CPED1: variants seen among roughly 807,000 people sequenced by gnomAD.
CPED1 encodes the protein cadherin like and PC-esterase domain containing 1.
CPED1 carries 114 observed loss-of-function variants against 128.2 expected under a neutral mutation model. The ratio of observed to expected loss-of-function variants is 0.89; its 90% CI spans 0.76 to 1.04. CPED1 has a LOEUF of 1.04. CPED1 is among the 50% of genes least tolerant of loss of function. The pLI is 0.00. For missense variants in CPED1, 1,211 were observed against 1,207.1 expected (o/e 1.00, Z -0.05); for synonymous variants, 462 against 426.7 (o/e 1.08, Z -1.02).
chr7:121,220,584 C>T (rs1322873263), intron 16 of CPED1, among the ~76,000 whole-genome samples: 1 of 151,908 alleles, frequency 6.6e-6, no homozygotes, highest in Non-Finnish European at 1.5e-5. Context: ...TCACAGTTGC[C>T]CTAGGAAACA....
At chr7:121,196,673 T>C (rs978523977) in intron 16 of CPED1, among the ~76,000 whole-genome samples, 2 of 152,122 alleles carry the variant, frequency 1.3e-5, no homozygotes, top group Non-Finnish European at 2.9e-5. Flanking sequence ...ATGCTATGAC[T>C]GAAAGGCAGC....
intron 4 of CPED1, among the ~76,000 whole-genome samples, chr7:121,049,449 A>C (rs1793293012): frequency 6.6e-6 from 1 of 152,150 alleles, no homozygotes; most frequent in Non-Finnish European, 1.5e-5. Flanking sequence ...GCTACCCTCC[A>C]ATCTCTTGCC....
Position 121,276,763 on chromosome 7 carries a change from T to C in CPED1, c.2868+5333T>C, listed in dbSNP as rs141473735. On this transcript the variant is annotated intron_variant, in intron 22 of 22. Transcript: ENST00000310396. ...AATGTGAACCAAAGTAGCTCTGAAATACCTGATGTTCTCATAATCACAGGC... is the reference window on the plus strand; with the variant it reads ...AATGTGAACCAAAGTAGCTCTGAAACACCTGATGTTCTCATAATCACAGGC... 1.8e-3 allele frequency among the ~76,000 whole-genome samples: 277 copies of C among 152,260 alleles called. 1 individual carries two copies. Among genetic ancestry groups the C allele is most frequent in the African/African-American group, 6.5e-3 (270 of 41,570 alleles).
chr7:121,153,925 G>T (rs953719742), intron 16 of CPED1, among the ~76,000 whole-genome samples: 3 of 152,096 alleles, frequency 2.0e-5, no homozygotes, highest in African/African-American at 7.2e-5. Context: ...AAAACATGTA[G>T]ATCCTAGTCT....
intron 2 of CPED1, among the ~76,000 whole-genome samples, chr7:121,013,563 T>C (rs1258046139): frequency 6.6e-6 from 1 of 152,234 alleles, no homozygotes; most frequent in African/African-American, 2.4e-5. Context: ...TAGCGCCTCC[T>C]ACATAGCAGG....
chr7:121,222,562 C>G (rs193164056), intron 16 of CPED1, among the ~76,000 whole-genome samples: 4 of 152,228 alleles, frequency 2.6e-5, no homozygotes, highest in Non-Finnish European at 5.9e-5. Context: ...GCCATTTTCA[C>G]TATATTGATT....
chr7:121,086,103 G>C (rs1794420976), intron 5 of CPED1, among the ~76,000 whole-genome samples: 1 of 152,174 alleles, frequency 6.6e-6, no homozygotes. Flanking sequence ...CTTCAGTTCA[G>C]TATTTTGTAA....
intron 16 of CPED1, among the ~76,000 whole-genome samples, chr7:121,203,946 C>G (rs539254817): frequency 1.3e-5 from 2 of 152,014 alleles, no homozygotes; most frequent in African/African-American, 4.8e-5. Flanking sequence ...AGCAAGACAC[C>G]CACTTCTCCA....
At chr7:120,992,899 G>A (rs993577790) in intron 2 of CPED1, among the ~76,000 whole-genome samples, 1 of 152,146 alleles carries the variant, frequency 6.6e-6, no homozygotes, top group East Asian at 1.9e-4. Context: ...TTACACATGG[G>A]ATCTGGTTCA....
chr7:121,048,728 G>C (rs149498508), intron 4 of CPED1, among the ~76,000 whole-genome samples: 1 of 152,038 alleles, frequency 6.6e-6, no homozygotes, highest in African/African-American at 2.4e-5. Context: ...TAGTAGAGAC[G>C]GGGTTTTGCT....
intron 3 of CPED1, among the ~76,000 whole-genome samples, chr7:121,044,684 T>C (rs1382682688): frequency 2.1e-5 from 3 of 140,868 alleles, no homozygotes; most frequent in Non-Finnish European, 4.8e-5. Context: ...TTTACTTTCA[T>C]ACTTTGAGTA....
At chr7:121,183,480 C>T (rs150974292) in intron 16 of CPED1, among the ~76,000 whole-genome samples, 1 of 152,266 alleles carries the variant, frequency 6.6e-6, no homozygotes, top group East Asian at 1.9e-4. Context: ...CAGATGTCCA[C>T]AGAGTATTTT....
At chr7:121,130,781 G>T (rs1795648515) in intron 12 of CPED1, among the ~76,000 whole-genome samples, 1 of 152,048 alleles carries the variant, frequency 6.6e-6, no homozygotes, top group African/African-American at 2.4e-5. Context: ...TTTGGTTTCA[G>T]AAGGTAGAAC....
At position 121,295,657 on chromosome 7, in the gene CPED1, C is replaced by T; in HGVS notation, c.*5C>T. On this transcript the variant is annotated 3_prime_UTR_variant, in exon 23 of 23. Transcript: ENST00000310396. The stretch of plus-strand genomic sequence containing the variant: ...GCAAATAAAAGGACTATGTAGGCTC[C>T]CTGCAGGAGAGCTGAATCTGGAGCT... 6.2e-7 allele frequency: 1 copy of T among 1,612,050 alleles called. No homozygotes were observed. Among genetic ancestry groups the T allele is most frequent in the Non-Finnish European group, 8.5e-7 (1 of 1,178,594 alleles).
Position 121,023,444 on chromosome 7 carries a change from G to T in CPED1, c.433+7596G>T, listed in dbSNP as rs1990510. Among the ~76,000 whole-genome samples, 1,055 of 152,236 alleles carry T rather than the reference G, an allele frequency of 6.9e-3. 62 individuals carry two copies. The East Asian group carries it at 0.14, about 20-fold the overall frequency. On this transcript the variant is annotated intron_variant, in intron 3 of 22. Transcript: ENST00000310396. ...GTTGCAACAGAAGCAACTCTGGGTT[G>T]CTGTATTATGTAGCAGAATGAGTGA...
At chr7:121,030,159 A>T (rs1053543549) in intron 3 of CPED1, among the ~76,000 whole-genome samples, 3 of 152,200 alleles carry the variant, frequency 2.0e-5, no homozygotes, top group African/African-American at 7.2e-5. Flanking sequence ...ACACAGACAC[A>T]CACACACGAT....
chr7:121,134,662 C>T (rs990533046), intron 13 of CPED1, among the ~76,000 whole-genome samples: 8 of 152,008 alleles, frequency 5.3e-5, no homozygotes, highest in Admixed American at 3.3e-4. Context: ...TTATTCATTA[C>T]ACAATGTATA....
At chr7:121,185,007 A>G (rs146150530) in intron 16 of CPED1, among the ~76,000 whole-genome samples, 4 of 152,208 alleles carry the variant, frequency 2.6e-5, no homozygotes, top group Non-Finnish European at 5.9e-5. Context: ...ACTCTTTTCT[A>G]TGGTTAAAAT....
rs1798265019 is a variant in CPED1, at chr7:121,236,769, C to T, written c.2111C>T (p.Ser704Phe). The change falls in exon 17 of 23, where the codon TCT (serine) becomes TTT (phenylalanine). Residue 704 changes from serine to phenylalanine, a missense_variant. Coordinates refer to ENST00000310396, the MANE Select transcript of CPED1 (RefSeq NM_024913.5). ...EETCGLQPIS[S>F]DYIEAILQSE... ...ACCTGTGGGTTACAGCCTATTTCTTCTGACTACATTGAAGCCATTTTACAG... is the reference window on the plus strand; with the variant it reads ...ACCTGTGGGTTACAGCCTATTTCTTTTGACTACATTGAAGCCATTTTACAG... 6.2e-7 allele frequency: 1 copy of T among 1,610,144 alleles called. No individual in the cohort carries two copies. Among genetic ancestry groups the T allele is most frequent in the Non-Finnish European group, 8.5e-7 (1 of 1,178,480 alleles).
Sources: gnomAD v4.1 joint callset for allele counts (sites outside exome capture counted in the v4.1 genomes callset) on GRCh38, gnomAD v4.1.1 for gene constraint, MANE v1.5 for transcripts, NCBI Gene and HGNC (gene_info 2026-07-23, HGNC 2026-07-21) for gene names.